The following UBTD2 variants were observed in gnomAD, a reference collection of about 807,000 sequenced individuals.
The protein encoded by UBTD2 is ubiquitin domain-containing protein 2.
In UBTD2, 9 loss-of-function variants were observed where a neutral mutation model predicts 19.8. The observed-to-expected ratio is 0.46, with a 90% CI of 0.27 to 0.79. UBTD2 has a LOEUF of 0.79. Ranked by LOEUF, UBTD2 falls within the 30% of genes least tolerant of loss-of-function variation. UBTD2 has a pLI of 0.14. For synonymous variants in UBTD2, 98 were observed against 103.9 expected, an observed-to-expected ratio of 0.94 and a Z score of 0.35; for missense variants, 250 against 300.4, an observed-to-expected ratio of 0.83 and a Z score of 1.24.
rs1041666482 is a variant in UBTD2, at chr5:172,232,132, G to C, written c.307+1990C>G. 2.0e-5 allele frequency among the ~76,000 whole-genome samples: 3 copies of C among 152,110 alleles called. No individual in the cohort carries two copies. The South Asian group carries it at 6.2e-4, about 31-fold the overall frequency. ...CCAAAAAAATACAAAAATTAGCTGG[G>C]CCTGGTGGCACATGCCTGTAATCCC... On this transcript the variant is annotated intron_variant, in intron 2 of 2. Transcript: ENST00000393792.
chr5:172,251,232 T>C (rs980187174), intron 1 of UBTD2, among the ~76,000 whole-genome samples: 3 of 144,818 alleles, frequency 2.1e-5, no homozygotes, highest in African/African-American at 7.7e-5. Flanking sequence ...GGCAGGAGAA[T>C]GGCCTGAACC....
intron 1 of UBTD2, among the ~76,000 whole-genome samples, chr5:172,269,647 G>A (rs949748840): frequency 1.3e-5 from 2 of 149,420 alleles, no homozygotes; most frequent in Non-Finnish European, 3.0e-5. Flanking sequence ...CAAGCGGTCT[G>A]AAGAATCTTA....
Position 172,234,143 on chromosome 5 carries a change from C to T in UBTD2, c.286G>A (p.Ala96Thr), listed in dbSNP as rs937150407. 3 of 1,614,010 alleles carry T rather than the reference C, an allele frequency of 1.9e-6. No individual in the cohort carries two copies. The highest frequency in any genetic ancestry group is 1.3e-5 in the African/African-American group (1 of 74,910). The stretch of plus-strand genomic sequence containing the variant: ...CTACCATGTGGTAATGTTATGTTTG[C>T]ACCATCAATGATTGCTTGTGCCAGT... Reference protein sequence around the residue: ...HELAQAIIDGANITLPHGALT... With the variant: ...HELAQAIIDGTNITLPHGALT... Residue 96 changes from alanine (A) to threonine (T), a missense_variant, in exon 2 of 3, where the codon GCA becomes ACA. Physicochemically the swap from Ala to Thr is moderately conservative, Grantham distance 58. Coordinates refer to ENST00000393792, the MANE Select transcript of UBTD2 (RefSeq NM_152277.3).
chr5:172,239,033 T>A (rs1772069223), intron 1 of UBTD2, among the ~76,000 whole-genome samples: 1 of 152,144 alleles, frequency 6.6e-6, no homozygotes, highest in Non-Finnish European at 1.5e-5. Flanking sequence ...TATACACACA[T>A]ATATACATAC....
intron 1 of UBTD2, among the ~76,000 whole-genome samples, chr5:172,275,212 C>A (rs1357561555): frequency 6.6e-6 from 1 of 152,120 alleles, no homozygotes; most frequent in Non-Finnish European, 1.5e-5. Flanking sequence ...CGGGGAAAGC[C>A]CCTGATAAAA....
intron 1 of UBTD2, among the ~76,000 whole-genome samples, chr5:172,282,420 T>C (rs1342755448): frequency 6.6e-6 from 1 of 152,190 alleles, no homozygotes; most frequent in East Asian, 1.9e-4. Flanking sequence ...TTTAATAAAG[T>C]GGCATGGCTA....
intron 1 of UBTD2, among the ~76,000 whole-genome samples, chr5:172,274,595 T>A (rs1040061316): frequency 6.6e-6 from 1 of 152,176 alleles, no homozygotes; most frequent in Admixed American, 6.5e-5. Flanking sequence ...AGAGAATGTG[T>A]TTGTCCTGAA....
chr5:172,215,699 C>T (rs550406393), intron 2 of UBTD2, among the ~76,000 whole-genome samples: 1 of 152,106 alleles, frequency 6.6e-6, no homozygotes, highest in South Asian at 2.1e-4. Context: ...AAGCAGACAG[C>T]ATGTAAGAAG....
chr5:172,283,712 C>CCCG lies in UBTD2; in HGVS notation c.-50_-48dup, dbSNP rs762886420. 45 of 1,181,564 alleles carry CCCG rather than the reference C, an allele frequency of 3.8e-5. No individual in the cohort carries two copies. Among genetic ancestry groups the CCCG allele is most frequent in the Admixed American group, 3.1e-4 (7 of 22,310 alleles). The allele number at this position is 1,181,564 out of a possible 1,614,324, so 73.2% of individuals were successfully genotyped here. A position where few individuals can be genotyped will look rare whatever the true frequency, so the allele number is the denominator to read the frequency against. ...CGCCACCTCCGGACGCTCGTCCGGGCCCGCCGCCGCCGCCGCTGCAGCCTC... is the reference window on the plus strand; with the variant it reads ...CGCCACCTCCGGACGCTCGTCCGGGCCCGCCGCCGCCGCCGCCGCTGCAGCCTC... On this transcript the variant is annotated 5_prime_UTR_variant, in exon 1 of 3. Transcript: ENST00000393792. This position sits in a 1 kb window ranked among gnomAD's most constrained non-coding sequence, Gnocchi z 4.3.
chr5:172,278,433 C>T (rs998012928), intron 1 of UBTD2, among the ~76,000 whole-genome samples: 4 of 151,726 alleles, frequency 2.6e-5, no homozygotes, highest in Non-Finnish European at 4.4e-5. Context: ...ACAGGAGAAT[C>T]GCTTGAACCT....
intron 1 of UBTD2, among the ~76,000 whole-genome samples, chr5:172,272,704 T>C (rs1015480541): frequency 2.0e-5 from 3 of 152,214 alleles, no homozygotes; most frequent in African/African-American, 7.2e-5. Flanking sequence ...CTGGGTAAAG[T>C]AGTACTAAGA....
intron 1 of UBTD2, among the ~76,000 whole-genome samples, chr5:172,279,831 G>C (rs1755673777): frequency 6.6e-6 from 1 of 152,192 alleles, no homozygotes; most frequent in Admixed American, 6.5e-5. Context: ...GTACGGCGGA[G>C]AACCATACAG....
In UBTD2 at chr5:172,253,772, A is replaced by C. The variant is rs77642022; in HGVS notation, c.71-19414T>G. ...CGGCCCCAACCCAATGAATTCTTAA[A>C]TTTTTTTTATTTCTAATAAATTTAC... On this transcript the variant is annotated intron_variant, in intron 1 of 2. Coordinates refer to ENST00000393792, the MANE Select transcript of UBTD2 (RefSeq NM_152277.3). 2.0e-5 allele frequency among the ~76,000 whole-genome samples: 3 copies of C among 151,756 alleles called. No homozygotes were observed. In the South Asian group the frequency reaches 6.2e-4, roughly 31 times the overall value.
At chr5:172,255,537 C>T (rs10053771) in intron 1 of UBTD2, 94,580 of 282,388 alleles carry the variant, frequency 0.33, 16,294 homozygotes, top group South Asian at 0.46. Context: ...TGCCTGGAGG[C>T]CCCCAAGCGC....
intron 1 of UBTD2, among the ~76,000 whole-genome samples, chr5:172,251,314 C>CAAAAAAAAAAAAAGAAAAAAAAAAAAA (rs57577423): frequency 8.5e-6 from 1 of 118,216 alleles, no homozygotes; most frequent in African/African-American, 3.4e-5. Flanking sequence ...GAGCCTATCT[C>CAAAAAAAAAAAAAGAAAAAAAAAAAAA]AAAAAAAAAA....
At chr5:172,234,457 T>C (rs1407427271) in intron 1 of UBTD2, 99 bp from the exon 2 acceptor site, 16 of 1,051,354 alleles carry the variant, frequency 1.5e-5, no homozygotes, top group Non-Finnish European at 2.2e-5. Context: ...TTCATCAAAA[T>C]CACAGCCAGA....
chr5:172,266,781 G>A (rs977919563), intron 1 of UBTD2, among the ~76,000 whole-genome samples: 4 of 152,120 alleles, frequency 2.6e-5, no homozygotes, highest in Non-Finnish European at 5.9e-5. Context: ...TCATGCCTGT[G>A]ATCCCAACAC....
At chr5:172,259,701 T>C (rs1232773251) in intron 1 of UBTD2, among the ~76,000 whole-genome samples, 1 of 152,124 alleles carries the variant, frequency 6.6e-6, no homozygotes, top group African/African-American at 2.4e-5. Flanking sequence ...TGTTCCAATC[T>C]GAACTTGACA....
At chr5:172,262,827 G>A (rs926700683) in intron 1 of UBTD2, among the ~76,000 whole-genome samples, 6 of 152,088 alleles carry the variant, frequency 3.9e-5, no homozygotes, top group Non-Finnish European at 5.9e-5. Context: ...AAAAAGTATC[G>A]TTAACAATCA....
Sources: gnomAD v4.1 joint callset for allele counts (sites outside exome capture counted in the v4.1 genomes callset) on GRCh38, gnomAD v4.1.1 for gene constraint, Gnocchi (gnomAD v3.1) non-coding constraint, MANE v1.5 for transcripts, NCBI Gene and HGNC (gene_info 2026-07-23, HGNC 2026-07-21) for gene names.